The following PRKG1 variants were observed in gnomAD, a reference collection of about 807,000 sequenced individuals.
PRKG1 encodes protein kinase cGMP-dependent 1.
PRKG1 carries 35 observed loss-of-function variants against 88.1 expected under a neutral mutation model. The ratio of observed to expected loss-of-function variants is 0.40; its 90% confidence interval spans 0.30 to 0.53. The LOEUF is 0.53. PRKG1 is among the 20% of genes least tolerant of loss of function. PRKG1 has a pLI of 0.59. For synonymous variants in PRKG1, 303 were observed against 292.5 expected (o/e 1.04, Z -0.37); for missense variants, 540 against 839.8 (o/e 0.64, Z 4.41).
chr10:51,290,254 A>C (rs922822920), intron 2 of PRKG1, among the ~76,000 whole-genome samples: 16 of 152,240 alleles, frequency 1.1e-4, no homozygotes, highest in Middle Eastern at 6.8e-3. Context: ...AACAAACAAA[A>C]AAAAAGACGA....
At chr10:51,509,758 T>C (rs1420050315) in intron 3 of PRKG1, among the ~76,000 whole-genome samples, 1 of 152,208 alleles carries the variant, frequency 6.6e-6, no homozygotes, top group Non-Finnish European at 1.5e-5. Flanking sequence ...GGTGGCTTCA[T>C]CTCCATTTTA....
At chr10:52,225,221 T>C (rs188137246) in intron 9 of PRKG1, among the ~76,000 whole-genome samples, 1 of 152,324 alleles carries the variant, frequency 6.6e-6, no homozygotes, top group East Asian at 1.9e-4. Flanking sequence ...GATTTGCATT[T>C]CCCTGATCAT....
chr10:52,154,524 A>G (rs1838034103), intron 8 of PRKG1, among the ~76,000 whole-genome samples: 1 of 152,232 alleles, frequency 6.6e-6, no homozygotes, highest in African/African-American at 2.4e-5. Flanking sequence ...CATATATAGG[A>G]AACTTGTATA....
chr10:51,544,858 C>T (rs1274268845), intron 3 of PRKG1, among the ~76,000 whole-genome samples: 3 of 152,010 alleles, frequency 2.0e-5, no homozygotes, highest in African/African-American at 7.3e-5. Flanking sequence ...ACAGCCCCAT[C>T]AAAAATTGGG....
chr10:52,149,325 G>A (rs981950570), intron 8 of PRKG1, among the ~76,000 whole-genome samples: 5 of 151,650 alleles, frequency 3.3e-5, no homozygotes, highest in African/African-American at 1.2e-4. Flanking sequence ...ATATTAAATA[G>A]CCCAAATACA....
chr10:52,024,015 A>T (rs11000496), intron 5 of PRKG1, among the ~76,000 whole-genome samples: 12,018 of 152,158 alleles, frequency 0.079, 786 homozygotes, highest in East Asian at 0.32. Flanking sequence ...GGTATTGCCT[A>T]GGTTTTCTTC....
intron 9 of PRKG1, among the ~76,000 whole-genome samples, chr10:52,218,523 C>T (rs942399126): frequency 6.6e-6 from 1 of 152,046 alleles, no homozygotes; most frequent in Non-Finnish European, 1.5e-5. Context: ...CATAAACTTA[C>T]CCAACTGTAT....
Position 51,374,093 on chromosome 10 carries a change from A to AAAAATATATATATATATATAT in PRKG1, c.479-93629_479-93628insAAATATATATATATATATATA. 1.5e-3 allele frequency among the ~76,000 whole-genome samples: 146 copies of AAAAATATATATATATATATAT among 100,092 alleles called. 1 individual carries two copies. Among genetic ancestry groups the AAAAATATATATATATATATAT allele is most frequent in the South Asian group, 3.4e-3 (8 of 2,350 alleles). The allele number at this position is 100,092 out of a possible 152,430, so 65.7% of individuals were successfully genotyped here. A position where few individuals can be genotyped will look rare whatever the true frequency, so the allele number is the denominator to read the frequency against. On this transcript the variant is annotated intron_variant, in intron 2 of 17. Coordinates refer to ENST00000373980, the MANE Select transcript of PRKG1 (RefSeq NM_006258.4). ...GCTGGCAGAGGTTGCAAAAAAAAAA[A>AAAAATATATATATATATATAT]ATATATATATATATATATATGTACT...
At chr10:52,099,152 A>G (rs1006791199) in intron 7 of PRKG1, among the ~76,000 whole-genome samples, 2 of 152,162 alleles carry the variant, frequency 1.3e-5, no homozygotes, top group Non-Finnish European at 2.9e-5. Context: ...CCGCAGTTAC[A>G]CAGAATACTT....
intron 5 of PRKG1, among the ~76,000 whole-genome samples, chr10:51,922,703 T>C (rs991173898): frequency 6.6e-6 from 1 of 152,018 alleles, no homozygotes; most frequent in African/African-American, 2.4e-5. Flanking sequence ...CTTTTAGAAT[T>C]TTCCAGCTTT....
In PRKG1 at chr10:51,916,850, G is replaced by A. The variant is rs150984673; in HGVS notation, c.762+9280G>A. 4.6e-5 allele frequency among the ~76,000 whole-genome samples: 7 copies of A among 152,294 alleles called. No individual in the cohort carries two copies. In the East Asian group the frequency reaches 1.4e-3, roughly 29 times the overall value. On this transcript the variant is annotated intron_variant, in intron 5 of 17. Transcript: ENST00000373980. Reference sequence around the variant, plus strand: ...AATATTACTTGACTTTAAAATGGGTGAAGGACTTGATATATGCTACAACAT... The same window carrying A: ...AATATTACTTGACTTTAAAATGGGTAAAGGACTTGATATATGCTACAACAT...
intron 7 of PRKG1, among the ~76,000 whole-genome samples, chr10:52,071,495 C>G (rs772709216): frequency 1.8e-4 from 28 of 152,140 alleles, no homozygotes; most frequent in Non-Finnish European, 1.3e-4. Flanking sequence ...TACATTGTTT[C>G]TTATATCATC....
At chr10:51,966,111 T>A (rs1003502447) in intron 5 of PRKG1, among the ~76,000 whole-genome samples, 1 of 152,188 alleles carries the variant, frequency 6.6e-6, no homozygotes, top group African/African-American at 2.4e-5. Flanking sequence ...TATATGTGAA[T>A]GTATTTTATA....
At chr10:52,015,032 A>G (rs11814876) in intron 5 of PRKG1, among the ~76,000 whole-genome samples, 24,127 of 152,132 alleles carry the variant, frequency 0.16, 2,441 homozygotes, top group East Asian at 0.32. Flanking sequence ...AGCTGTTAGT[A>G]AATCTACCAT....
intron 4 of PRKG1, among the ~76,000 whole-genome samples, chr10:51,889,589 G>A (rs1348503497): frequency 6.6e-6 from 1 of 151,996 alleles, no homozygotes. Context: ...TGGATGGCTG[G>A]GTCAAATGTT....
chr10:52,215,950 A>G (rs1251457744), intron 9 of PRKG1, among the ~76,000 whole-genome samples: 1 of 152,198 alleles, frequency 6.6e-6, no homozygotes, highest in Non-Finnish European at 1.5e-5. Flanking sequence ...TCCAGTGGCC[A>G]TCTGGAGAAT....
intron 3 of PRKG1, among the ~76,000 whole-genome samples, chr10:51,493,562 C>T (rs955658371): frequency 6.6e-6 from 1 of 152,086 alleles, no homozygotes; most frequent in Admixed American, 6.6e-5. Context: ...ATCTGCTGCT[C>T]TGCTTTGAGA....
chr10:51,088,158 G>A (rs1844302217), intron 1 of PRKG1, among the ~76,000 whole-genome samples: 1 of 152,104 alleles, frequency 6.6e-6, no homozygotes, highest in South Asian at 2.1e-4. Flanking sequence ...TTGTACTTGA[G>A]TATTTTGTTT....
intron 4 of PRKG1, among the ~76,000 whole-genome samples, chr10:51,862,368 A>G (rs74654208): frequency 0.065 from 9,936 of 152,060 alleles, 390 homozygotes; most frequent in Middle Eastern, 0.11. Context: ...CACTTTTCAC[A>G]CCCACCATTT....
Sources: gnomAD v4.1 joint callset for allele counts (sites outside exome capture counted in the v4.1 genomes callset) on GRCh38, gnomAD v4.1.1 for gene constraint, MANE v1.5 for transcripts, NCBI Gene and HGNC (gene_info 2026-07-23, HGNC 2026-07-21) for gene names.